TNN: variants seen among roughly 807,000 people sequenced by gnomAD.
TNN encodes tenascin N.
In TNN, 122 loss-of-function variants were observed where a neutral mutation model predicts 134.4. The observed-to-expected ratio is 0.91, with a 90% CI of 0.78 to 1.06. The LOEUF (loss-of-function observed/expected upper bound fraction) is 1.06. Ranked by LOEUF, TNN falls within the 50% of genes least tolerant of loss-of-function variation. The probability of loss-of-function intolerance (pLI) is 0.00; values close to 1 mark genes in which losing one functional copy is unlikely to be tolerated. For missense variants in TNN, 1,739 were observed against 1,699.4 expected, an observed-to-expected ratio of 1.02 and a Z score of -0.41; for synonymous variants, 710 against 670.3, an observed-to-expected ratio of 1.06 and a Z score of -0.91.
chr1:175,134,613 G>T (rs923098524), intron 15 of TNN, among the ~76,000 whole-genome samples: 2 of 151,882 alleles, frequency 1.3e-5, no homozygotes, highest in Non-Finnish European at 2.9e-5. Flanking sequence ...TGTCCTCTCT[G>T]AATCCCCCAT....
chr1:175,120,842 C>T (rs144058589), intron 11 of TNN, among the ~76,000 whole-genome samples: 1 of 152,294 alleles, frequency 6.6e-6, no homozygotes, highest in East Asian at 1.9e-4. Flanking sequence ...ATTCTGTTAG[C>T]TAGGCTGGAG....
At chr1:175,137,297 T>C (rs1438451914) in intron 17 of TNN, among the ~76,000 whole-genome samples, 1 of 152,072 alleles carries the variant, frequency 6.6e-6, no homozygotes, top group East Asian at 1.9e-4. Context: ...TTCTGAACAA[T>C]TTCTTGATGC....
Position 175,069,772 on chromosome 1 carries a change from T to TA in TNN, c.-36+1839dup, listed in dbSNP as rs576936904. 5.7e-4 allele frequency among the ~76,000 whole-genome samples: 87 copies of TA among 152,360 alleles called. 1 individual carries two copies. In the East Asian group the frequency reaches 0.016, roughly 28 times the overall value. On this transcript the variant is annotated intron_variant, in intron 1 of 18. Transcript: ENST00000239462. ...GCTTCTGCCACAGTGGACTCACTGCTAATGCTGCCCAGCCACCATTTGAAT... is the reference window on the plus strand; with the variant it reads ...GCTTCTGCCACAGTGGACTCACTGCTAAATGCTGCCCAGCCACCATTTGAAT...
Position 175,147,089 on chromosome 1 carries a change from C to G in TNN, c.*18C>G. ...CGTTCTGATGGCCCGTGTGAGCAGT[C>G]CTCGCAGGAGACACCACCAGCTGTG... On this transcript the variant is annotated 3_prime_UTR_variant, in exon 19 of 19. Transcript: ENST00000239462. 6.5e-7 allele frequency: 1 copy of G among 1,547,310 alleles called. No individual in the cohort carries two copies.
intron 18 of TNN, among the ~76,000 whole-genome samples, chr1:175,144,939 G>A (rs759601326): frequency 5.9e-5 from 9 of 152,128 alleles, no homozygotes; most frequent in Non-Finnish European, 1.3e-4. Flanking sequence ...TCACAGTTCT[G>A]GAGGCTGGGA....
At chr1:175,112,970 G>A (rs1311825869) in intron 9 of TNN, among the ~76,000 whole-genome samples, 1 of 151,896 alleles carries the variant, frequency 6.6e-6, no homozygotes, top group Non-Finnish European at 1.5e-5. Flanking sequence ...TTACATCCAA[G>A]GTTATTATTG....
intron 9 of TNN, among the ~76,000 whole-genome samples, chr1:175,109,274 G>C (rs1674957225): frequency 6.8e-6 from 1 of 148,028 alleles, no homozygotes. Context: ...ATTTTTAGTA[G>C]AGACGGGGTT....
intron 9 of TNN, among the ~76,000 whole-genome samples, chr1:175,111,552 A>G (rs1330106044): frequency 6.8e-6 from 1 of 147,498 alleles, no homozygotes; most frequent in Non-Finnish European, 1.5e-5. Context: ...TGATATTTTG[A>G]TACAGATTGC....
intron 15 of TNN, among the ~76,000 whole-genome samples, chr1:175,134,555 C>A (rs985454658): frequency 5.0e-5 from 6 of 121,036 alleles, no homozygotes; most frequent in African/African-American, 9.6e-5. Context: ...AAAAAACAAA[C>A]AAACAACAAC....
intron 11 of TNN, among the ~76,000 whole-genome samples, chr1:175,119,708 C>G (rs1045102222): frequency 2.0e-4 from 30 of 147,428 alleles, no homozygotes; most frequent in Non-Finnish European, 3.4e-4. Flanking sequence ...TATCTCGGCT[C>G]ACTGCAAGCT....
intron 16 of TNN, 102 bp downstream of exon 16, chr1:175,136,043 C>T: frequency 1.2e-6 from 1 of 816,472 alleles, no homozygotes. Context: ...CACAGAGAGG[C>T]CCCAGTGGCA....
intron 5 of TNN, among the ~76,000 whole-genome samples, chr1:175,084,316 A>G (rs28590486): frequency 6.6e-6 from 1 of 151,170 alleles, no homozygotes; most frequent in Non-Finnish European, 1.5e-5. Flanking sequence ...AGAGAGAGAG[A>G]GAGATTGAGA....
chr1:175,095,898 G>A (rs1245386582), intron 7 of TNN, among the ~76,000 whole-genome samples: 3 of 152,230 alleles, frequency 2.0e-5, no homozygotes, highest in African/African-American at 7.2e-5. Context: ...AAGGAAGTTG[G>A]AATAGAGAAG....
chr1:175,109,103 A>T (rs1453823907), intron 9 of TNN, among the ~76,000 whole-genome samples: 1 of 35,464 alleles, frequency 2.8e-5, no homozygotes, highest in Non-Finnish European at 5.0e-5. Flanking sequence ...TTTTTTTGAG[A>T]CGGAGTCTCG....
intron 6 of TNN, among the ~76,000 whole-genome samples, chr1:175,089,234 G>A (rs1674385870): frequency 6.6e-6 from 1 of 152,164 alleles, no homozygotes; most frequent in Admixed American, 6.5e-5. Flanking sequence ...AAGGATGCTG[G>A]AACTTAAGAA....
Position 175,118,671 on chromosome 1 carries a change from T to C in TNN, c.2497T>C (p.Ser833Pro), listed in dbSNP as rs998988715. The change falls in exon 11 of 19, where the codon TCT becomes CCT. Residue 833 changes from serine to proline, a missense_variant. Transcript: ENST00000239462. ...TIDRYVVHYT[S>P]ANGETREVPV... ...TGACAGGTATGTGGTGCACTACACG[T>C]CTGCCAACGGAGAGACCAGGGAGGT... is the stretch of plus-strand genomic sequence containing the variant. 8.7e-6 allele frequency: 14 copies of C among 1,614,226 alleles called. No individual in the cohort carries two copies. The highest frequency in any genetic ancestry group is 1.2e-5 in the Non-Finnish European group (14 of 1,180,046).
rs2149432860 is a variant in TNN, at chr1:175,097,672, A to G, written c.1844A>G (p.Asn615Ser). Residue 615 changes from asparagine (N) to serine (S), a missense_variant, in exon 8 of 19, where the codon AAC (asparagine) becomes AGC (serine). Physicochemically the swap from Asn to Ser is conservative, Grantham distance 46. Transcript: ENST00000239462. ...CGAGAGAGCAAGAAGGCTGACACCA[A>G]CGCCCCGACAGGTAACAAAAGAGAG... Reference protein sequence around the residue: ...GDRESKKADTNAPTDIDSPKN... With the variant: ...GDRESKKADTSAPTDIDSPKN... The G allele has an allele frequency of 6.2e-7, 1 of 1,614,122 alleles. No homozygotes were observed. Among genetic ancestry groups the G allele is most frequent in the Non-Finnish European group, 8.5e-7 (1 of 1,180,014 alleles).
chr1:175,125,871 T>A (rs1675516566), intron 12 of TNN, among the ~76,000 whole-genome samples: 1 of 140,012 alleles, frequency 7.1e-6, no homozygotes, highest in Admixed American at 7.4e-5. Context: ...TCTTTTTCTT[T>A]CTTTCTTTTC....
intron 15 of TNN, among the ~76,000 whole-genome samples, chr1:175,131,349 T>C (rs1036826120): frequency 1.3e-5 from 2 of 152,250 alleles, no homozygotes; most frequent in South Asian, 2.1e-4. Context: ...TTTTTCTCTG[T>C]ATTTAGTCAT....
Sources: allele counts gnomAD v4.1 joint callset (sites outside exome capture counted in the v4.1 genomes callset), GRCh38; gene constraint gnomAD v4.1.1; transcripts MANE v1.5; gene names NCBI Gene and HGNC (gene_info 2026-07-23, HGNC 2026-07-21).